Variants in MAMLD1 observed in about 807,000 individuals in gnomAD.
MAMLD1 encodes mastermind-like domain-containing protein 1.
MAMLD1 carries 14 observed loss-of-function variants against 45.0 expected under a neutral mutation model. The observed-to-expected ratio is 0.31, with a 90% CI of 0.21 to 0.49. The LOEUF (loss-of-function observed/expected upper bound fraction) is 0.49, where lower values mean the gene tolerates loss of function less well. Among genes scored for constraint, MAMLD1 ranks in the 20% least tolerant of loss-of-function variants. The probability of loss-of-function intolerance (pLI) is 0.99; values close to 1 mark genes in which losing one functional copy is unlikely to be tolerated. For missense variants in MAMLD1, 543 were observed against 603.6 expected (o/e 0.90, Z 1.05); for synonymous variants, 254 against 247.8 (o/e 1.02, Z -0.24).
chrX:150,378,822 A>T (rs782378141), intron 1 of MAMLD1, among the ~76,000 whole-genome samples: 41 of 111,468 alleles, frequency 3.7e-4, no homozygotes, highest in African/African-American at 1.2e-3. Context: ...TGTCTTTCTG[A>T]CATGCCCCTA....
At chrX:150,503,178 C>G (rs2037616451) in intron 5 of MAMLD1, 96 bp from the exon 6 acceptor site, 8 of 779,612 alleles carry the variant, frequency 1.0e-5, no homozygotes, top group Non-Finnish European at 1.2e-5. Flanking sequence ...ACCACAACAC[C>G]CAGATGACCC....
rs1303222153 is a variant in MAMLD1, at chrX:150,513,067, A to G, written c.*1108A>G. The G allele has an allele frequency of 1.7e-6, 2 of 1,145,509 alleles. No homozygotes were observed. Among genetic ancestry groups the G allele is most frequent in the African/African-American group, 1.8e-5 (1 of 55,370 alleles). The allele number at this position is 1,145,509 out of a possible 1,213,427, so 94.4% of individuals were successfully genotyped here. A position where few individuals can be genotyped will look rare whatever the true frequency, so the allele number is the denominator to read the frequency against. The stretch of plus-strand genomic sequence containing the variant: ...GGCAAGTCACCCAGGATGCTGGGGC[A>G]CTTTAAATCTGAGCAGGATGCCCAT... On this transcript the variant is annotated 3_prime_UTR_variant, in exon 8 of 8. Coordinates refer to ENST00000370401, the MANE Select transcript of MAMLD1 (RefSeq NM_005491.5).
At chrX:150,420,925 A>C (rs2034478559) in intron 1 of MAMLD1, 1 of 113,007 alleles carries the variant, frequency 8.8e-6, no homozygotes, top group Non-Finnish European at 1.9e-5. Flanking sequence ...GGTGGAGCCT[A>C]CAGAGGCAGG....
intron 1 of MAMLD1, among the ~76,000 whole-genome samples, chrX:150,367,663 C>T (rs1253248291): frequency 8.1e-5 from 9 of 111,681 alleles, no homozygotes; most frequent in Non-Finnish European, 1.5e-4. Flanking sequence ...CACCCATTAA[C>T]TCGTCATTTA....
At position 150,477,627 on chromosome X, in the gene MAMLD1, G is replaced by A. The variant is rs12394046; in HGVS notation, c.2040+3825G>A. Among the ~76,000 whole-genome samples the A allele has an allele frequency of 2.6e-3, 290 of 112,014 alleles. 1 individual carries two copies. Among genetic ancestry groups the A allele is most frequent in the African/African-American group, 8.8e-3 (272 of 30,833 alleles). On this transcript the variant is annotated intron_variant, in intron 5 of 7. Coordinates refer to ENST00000370401, the MANE Select transcript of MAMLD1 (RefSeq NM_005491.5). ...TGTGGTTTCCTGAGTGCCCCTGACC[G>A]TGGGTAGGGGAGAATGTTGTCTTCT... is the stretch of plus-strand genomic sequence containing the variant.
intron 2 of MAMLD1, among the ~76,000 whole-genome samples, chrX:150,454,081 A>G (rs1282677090): frequency 1.8e-5 from 2 of 111,890 alleles, no homozygotes; most frequent in African/African-American, 6.5e-5. Flanking sequence ...TTACTGTCAT[A>G]TGACTTCATC....
rs184366746 is a variant in MAMLD1 at position 150,513,728 on chromosome X, G to A, written c.*1769G>A. On this transcript the variant is annotated 3_prime_UTR_variant, in exon 8 of 8. Coordinates refer to ENST00000370401, the MANE Select transcript of MAMLD1 (RefSeq NM_005491.5). ...AGAGTTCTCCAGATTTGGGAGAGGC[G>A]CAGAGACAGTGTGTGAGCCGAGCCC... 3.4e-6 allele frequency: 1 copy of A among 295,384 alleles called. No homozygotes were observed. Among genetic ancestry groups the A allele is most frequent in the African/African-American group, 2.8e-5 (1 of 36,290 alleles). 24.3% of individuals were successfully genotyped at this position (295,384 alleles called of 1,213,427 possible).
intron 1 of MAMLD1, among the ~76,000 whole-genome samples, chrX:150,369,208 G>T (rs191344924): frequency 6.7e-4 from 74 of 109,968 alleles, no homozygotes; most frequent in Non-Finnish European, 1.2e-3. Flanking sequence ...TAGCCTAGGA[G>T]CTGGGAAACT....
chrX:150,386,613 C>A (rs1226345091), intron 1 of MAMLD1, among the ~76,000 whole-genome samples: 1 of 111,940 alleles, frequency 8.9e-6, no homozygotes, highest in African/African-American at 3.2e-5. Context: ...GGCCTTCTTG[C>A]TGTGCAACAA....
chrX:150,458,381 A>T (rs1331382379), intron 2 of MAMLD1, among the ~76,000 whole-genome samples: 10 of 111,719 alleles, frequency 9.0e-5, no homozygotes, highest in African/African-American at 2.6e-4. Context: ...CATGGTCTGA[A>T]GCTTGTTGCC....
chrX:150,444,507 G>A (rs1342539517), intron 1 of MAMLD1, among the ~76,000 whole-genome samples: 2 of 111,689 alleles, frequency 1.8e-5, no homozygotes, highest in African/African-American at 3.3e-5. Flanking sequence ...TCCCTAACCA[G>A]TATACTTTTT....
intron 1 of MAMLD1, among the ~76,000 whole-genome samples, chrX:150,404,126 C>T (rs1427190918): frequency 2.8e-5 from 3 of 108,451 alleles, no homozygotes; most frequent in Non-Finnish European, 5.8e-5. Flanking sequence ...AGAGCCACCA[C>T]AGGCAGCCCA....
At chrX:150,471,752 G>A (rs1381716472) in intron 4 of MAMLD1, among the ~76,000 whole-genome samples, 1 of 112,156 alleles carries the variant, frequency 8.9e-6, no homozygotes, top group African/African-American at 3.2e-5. Flanking sequence ...AGGTGCTCCC[G>A]GTGGAAGGAG....
In MAMLD1 at chrX:150,512,328, C is replaced by G. The variant is rs782014621; in HGVS notation, c.*369C>G. ...GAAGTGCCCCTGCCTGGGTTCTGTC[C>G]CAGCTCCCTGGGCACCCAGTCCTTG... On this transcript the variant is annotated 3_prime_UTR_variant, in exon 8 of 8. Transcript: ENST00000370401. The G allele has an allele frequency of 8.8e-7, 1 of 1,132,968 alleles. No homozygotes were observed. Among genetic ancestry groups the G allele is most frequent in the Non-Finnish European group, 1.2e-6 (1 of 859,177 alleles). 93.4% of individuals were successfully genotyped at this position (1,132,968 alleles called of 1,213,427 possible).
intron 1 of MAMLD1, among the ~76,000 whole-genome samples, chrX:150,372,222 G>C (rs189318951): frequency 1.8e-3 from 198 of 112,494 alleles, no homozygotes; most frequent in African/African-American, 5.9e-3. Flanking sequence ...AAGTCTGGAA[G>C]TAGCTGGAGA....
At position 150,440,589 on chromosome X, in the gene MAMLD1, T is replaced by C. The variant is rs1446332550; in HGVS notation, c.-63-4865T>C. ...TGGGTAAATTTTGGCAGTTTGTGCT[T>C]TTATAATGATTGGTCCATTTTATCT... On this transcript the variant is annotated intron_variant, in intron 1 of 7. Transcript: ENST00000370401. 5.4e-5 allele frequency among the ~76,000 whole-genome samples: 6 copies of C among 110,203 alleles called. No individual in the cohort carries two copies. The South Asian group carries it at 1.8e-3, about 34-fold the overall frequency.
chrX:150,480,031 C>A (rs1557407088), intron 5 of MAMLD1, among the ~76,000 whole-genome samples: 3 of 111,566 alleles, frequency 2.7e-5, no homozygotes, highest in African/African-American at 9.8e-5. Context: ...CCTCCCCTCC[C>A]CATCCTGTGC....
Position 150,441,044 on chromosome X carries a change from A to T in MAMLD1, c.-63-4410A>T, listed in dbSNP as rs782415714. ...ATAATTTAATAATTAATAATAATAA[A>T]AATATTATTAATATTATGTTTATTG... On this transcript the variant is annotated intron_variant, in intron 1 of 7. Transcript: ENST00000370401. Among the ~76,000 whole-genome samples the T allele has an allele frequency of 9.6e-3, 1,004 of 104,237 alleles. 10 individuals are homozygous for T. Among genetic ancestry groups the T allele is most frequent in the African/African-American group, 0.032 (924 of 29,133 alleles). The allele number at this position is 104,237 out of a possible 115,157, so 90.5% of individuals were successfully genotyped here.
intron 2 of MAMLD1, among the ~76,000 whole-genome samples, chrX:150,454,769 T>C: frequency 1.8e-5 from 2 of 108,332 alleles, no homozygotes; most frequent in South Asian, 8.1e-4. Flanking sequence ...CCACCACCAC[T>C]ACCCTCACCT....
Sources: gnomAD v4.1 joint callset for allele counts (sites outside exome capture counted in the v4.1 genomes callset) on GRCh38, gnomAD v4.1.1 for gene constraint, MANE v1.5 for transcripts, NCBI Gene and HGNC (gene_info 2026-07-23, HGNC 2026-07-21) for gene names.